The following CALCOCO1 variants were observed in gnomAD, a reference collection of about 807,000 sequenced individuals.
CALCOCO1 encodes calcium binding and coiled-coil domain 1.
A neutral mutation model predicts 86.3 loss-of-function variants in CALCOCO1; 44 were observed. The observed-to-expected ratio is 0.51, with a 90% CI of 0.40 to 0.66. The LOEUF (loss-of-function observed/expected upper bound fraction) is 0.66. CALCOCO1 is among the 30% of genes least tolerant of loss of function. The pLI is 0.00. For missense variants in CALCOCO1, 708 were observed against 851.1 expected (o/e 0.83, Z 2.09); for synonymous variants, 297 against 327.6 (o/e 0.91, Z 1.01).
At chr12:53,718,444 G>C (rs1945784831) in intron 7 of CALCOCO1, among the ~76,000 whole-genome samples, 1 of 152,096 alleles carries the variant, frequency 6.6e-6, no homozygotes, top group Admixed American at 6.5e-5. Context: ...TATTCAGTGA[G>C]ATTCCACACA....
intron 6 of CALCOCO1, 83 bp from the exon 7 acceptor site, chr12:53,719,912 G>T: frequency 1.1e-6 from 1 of 886,158 alleles, no homozygotes; most frequent in Non-Finnish European, 1.8e-6. Context: ...GTGCTCTGCT[G>T]CTGCTGCTCT....
chr12:53,714,392 C>G, intron 11 of CALCOCO1, 151 bp from the exon 12 acceptor site: 1 of 684,514 alleles, frequency 1.5e-6, no homozygotes, highest in Non-Finnish European at 2.5e-6. Context: ...GACACTCCCC[C>G]CAGCACCCCT....
At chr12:53,715,388 C>G in intron 9 of CALCOCO1, 63 bp from the exon 10 acceptor site, 1 of 1,593,490 alleles carries the variant, frequency 6.3e-7, no homozygotes, top group African/African-American at 1.3e-5. Context: ...ACGCCACTGT[C>G]AACAGCACCA....
intron 2 of CALCOCO1, 73 bp downstream of exon 2, chr12:53,725,014 G>A (rs1475754488): frequency 6.9e-7 from 1 of 1,449,446 alleles, no homozygotes; most frequent in African/African-American, 1.4e-5. Flanking sequence ...GAGAATCCAA[G>A]AGCCCAATCA....
At position 53,711,074 on chromosome 12, in the gene CALCOCO1, C is replaced by G; in HGVS notation, c.*870G>C. 1 of 382,742 alleles carries G rather than the reference C, an allele frequency of 2.6e-6. No individual in the cohort carries two copies. The highest frequency in any genetic ancestry group is 4.6e-6 in the Non-Finnish European group (1 of 216,040). The allele number at this position is 382,742 out of a possible 1,614,324, so 23.7% of individuals were successfully genotyped here. ...GAGCTGGAGGTCTGGGCCCTGTGTT[C>G]CAGTCACACCTCATGATAAGAACAC... is the stretch of plus-strand genomic sequence containing the variant. On this transcript the variant is annotated 3_prime_UTR_variant, in exon 15 of 15. Coordinates refer to ENST00000550804, the MANE Select transcript of CALCOCO1 (RefSeq NM_020898.3).
At chr12:53,722,943 CAA>C (rs58897806) in intron 4 of CALCOCO1, 5,220 of 189,722 alleles carry the variant, frequency 0.028, no homozygotes, top group South Asian at 0.041. Context: ...AAGGCTGTCT[CAA>C]AAAAAAAAAA....
intron 7 of CALCOCO1, among the ~76,000 whole-genome samples, 192 bp from the exon 8 acceptor site, chr12:53,716,607 C>T (rs1449080332): frequency 6.6e-6 from 1 of 152,198 alleles, no homozygotes; most frequent in African/African-American, 2.4e-5. Context: ...TCTCCAGCTC[C>T]CAAATTGAGG....
chr12:53,714,097 G>T, intron 12 of CALCOCO1, 36 bp downstream of exon 12: 1 of 1,513,306 alleles, frequency 6.6e-7, no homozygotes, highest in South Asian at 1.1e-5. Flanking sequence ...GAGGTAGAGT[G>T]GGGAAGAGGT....
At chr12:53,722,587 G>T (rs758787521) in intron 4 of CALCOCO1, among the ~76,000 whole-genome samples, 4 of 152,098 alleles carry the variant, frequency 2.6e-5, no homozygotes, top group Non-Finnish European at 5.9e-5. Flanking sequence ...TTTTTTTAAA[G>T]ATAGGGTCTC....
rs1002876682 is a variant in CALCOCO1, at chr12:53,725,120, C to G, written c.123G>C (p.Met41Ile). 3.1e-6 allele frequency: 5 copies of G among 1,610,858 alleles called. No homozygotes were observed. Among genetic ancestry groups the G allele is most frequent in the Admixed American group, 1.7e-5 (1 of 59,530 alleles). ...TGCCAATCCAGTCACTGGCACTGGG[C>G]ATGGTGCCTGGGGGAAGGGTGTAGT... ...ECHYTLPPGT[M>I]PSASDWIGIF... Residue 41 changes from methionine (M) to isoleucine (I), a missense_variant, in exon 2 of 15, where the codon ATG becomes ATC. Met to Ile is a conservative substitution (Grantham distance 10). Coordinates refer to ENST00000550804, the MANE Select transcript of CALCOCO1 (RefSeq NM_020898.3).
chr12:53,723,809 A>AC (rs751421361), intron 3 of CALCOCO1, 26 bp from the exon 4 acceptor site: 2 of 1,602,530 alleles, frequency 1.2e-6, no homozygotes, highest in Admixed American at 3.4e-5. Flanking sequence ...TGGACCCAGG[A>AC]CCCCAATAAT....
At chr12:53,716,158 T>C (rs1945720058) in intron 8 of CALCOCO1, 102 bp downstream of exon 8, 3 of 1,581,964 alleles carry the variant, frequency 1.9e-6, no homozygotes, top group South Asian at 2.3e-5. Context: ...TTGTGTTGTT[T>C]AGTCTTTAGC....
chr12:53,722,387 C>T (rs1170236087), intron 4 of CALCOCO1, among the ~76,000 whole-genome samples: 1 of 152,158 alleles, frequency 6.6e-6, no homozygotes, highest in Non-Finnish European at 1.5e-5. Flanking sequence ...CTCTGAATTG[C>T]CCATCTCTCT....
At position 53,715,950 on chromosome 12, in the gene CALCOCO1, C is replaced by G; in HGVS notation, c.1103G>C (p.Ser368Thr). 6.2e-7 allele frequency: 1 copy of G among 1,614,204 alleles called. No homozygotes were observed. The highest frequency in any genetic ancestry group is 8.5e-7 in the Non-Finnish European group (1 of 1,180,044). ...GGTGCGGTCCCTGGCTGCTGCTGCA[C>G]TGGCCAACTCCTCCCCAAGAAGGGT... ...KATLLGEELA[S>T]AAAARDRTIA... Residue 368 changes from serine (S) to threonine (T), a missense_variant, in exon 9 of 15, where the codon AGT becomes ACT. By Grantham distance (58) the Ser-to-Thr change is moderately conservative. Transcript: ENST00000550804.
Position 53,718,840 on chromosome 12 carries a change from C to CTT in CALCOCO1, c.849+897_849+898dup, listed in dbSNP as rs35114054. 4.9e-3 allele frequency among the ~76,000 whole-genome samples: 369 copies of CTT among 75,594 alleles called. 2 individuals carry two copies. Among genetic ancestry groups the CTT allele is most frequent in the African/African-American group, 8.4e-3 (150 of 17,926 alleles). The allele number at this position is 75,594 out of a possible 152,430, so 49.6% of individuals were successfully genotyped here. A position where few individuals can be genotyped will look rare whatever the true frequency, so the allele number is the denominator to read the frequency against. On this transcript the variant is annotated intron_variant, in intron 7 of 14. Coordinates refer to ENST00000550804, the MANE Select transcript of CALCOCO1 (RefSeq NM_020898.3). ...CTACCACGCCCAGCCATGGCCCTCC[C>CTT]TTTTTTTTTTTTTTTTTTTTTTTTT...
At chr12:53,719,495 C>T (rs1406337332) in intron 7 of CALCOCO1, among the ~76,000 whole-genome samples, 1 of 152,106 alleles carries the variant, frequency 6.6e-6, no homozygotes, top group Non-Finnish European at 1.5e-5. Flanking sequence ...CACTGCACTT[C>T]AGCACAGGAG....
At position 53,723,540 on chromosome 12, in the gene CALCOCO1, A is replaced by G. The variant is rs753171599; in HGVS notation, c.450+53T>C. On this transcript the variant is annotated intron_variant, in intron 4 of 14. Coordinates refer to ENST00000550804, the MANE Select transcript of CALCOCO1 (RefSeq NM_020898.3). Reference sequence around the variant, plus strand: ...GGTAAGGTGGGAAGGGTCCTCTTGCAATGCTGTCTCCCACTCCCTTGTCTG... The same window carrying G: ...GGTAAGGTGGGAAGGGTCCTCTTGCGATGCTGTCTCCCACTCCCTTGTCTG... The G allele has an allele frequency of 3.8e-6, 6 of 1,588,480 alleles. No individual in the cohort carries two copies. In the African/African-American group the frequency reaches 6.7e-5, roughly 18 times the overall value.
intron 4 of CALCOCO1, 71 bp from the exon 5 acceptor site, chr12:53,722,254 C>T: frequency 6.4e-7 from 1 of 1,567,684 alleles, no homozygotes; most frequent in Non-Finnish European, 8.7e-7. Flanking sequence ...CCTCACCACT[C>T]TCCAGGTGCA....
In CALCOCO1 at chr12:53,722,027, T is replaced by C. The variant is rs943554387; in HGVS notation, c.607A>G (p.Lys203Glu). The C allele has an allele frequency of 6.2e-7, 1 of 1,612,796 alleles. No homozygotes were observed. The highest frequency in any genetic ancestry group is 8.5e-7 in the Non-Finnish European group (1 of 1,180,036). ...CCCCTACCTGGCCCAGCTCCCACCT[T>C]GTACTGTTCCATCAGCTCCGTGTGC... is the stretch of plus-strand genomic sequence containing the variant. ...QEHTELMEQY[K>E]GISRSHGEIT... The change falls in exon 5 of 15, where the codon AAG becomes GAG. Residue 203 changes from lysine (K) to glutamate (E), a missense_variant and splice_region_variant. Transcript: ENST00000550804.
Sources: gnomAD v4.1 joint callset for allele counts (sites outside exome capture counted in the v4.1 genomes callset) on GRCh38, gnomAD v4.1.1 for gene constraint, MANE v1.5 for transcripts, NCBI Gene and HGNC (gene_info 2026-07-23, HGNC 2026-07-21) for gene names.